FAM178B: variants seen among roughly 807,000 people sequenced by gnomAD.
The protein encoded by FAM178B is protein FAM178B.
In FAM178B, 82 loss-of-function variants were observed where a neutral mutation model predicts 91.7. That is an observed-to-expected ratio of 0.89 (90% CI 0.75 to 1.07). The LOEUF (loss-of-function observed/expected upper bound fraction) is 1.07. Ranked by LOEUF, FAM178B falls within the 50% of genes least tolerant of loss-of-function variation. FAM178B has a pLI of 0.00. For synonymous variants in FAM178B, 368 were observed against 359.4 expected, an observed-to-expected ratio of 1.02 and a Z score of -0.27; for missense variants, 769 against 846.7, an observed-to-expected ratio of 0.91 and a Z score of 1.14.
At chr2:96,958,807 A>G (rs953398968) in intron 6 of FAM178B, among the ~76,000 whole-genome samples, 2 of 150,278 alleles carry the variant, frequency 1.3e-5, no homozygotes, top group South Asian at 4.2e-4. Context: ...GTATGATAGT[A>G]ATATCGAAGT....
chr2:96,943,134 T>C (rs1463173523), intron 8 of FAM178B, among the ~76,000 whole-genome samples: 1 of 152,170 alleles, frequency 6.6e-6, no homozygotes, highest in East Asian at 1.9e-4. Flanking sequence ...AAAATAGATA[T>C]GTTGGACTTC....
chr2:96,904,857 G>A (rs761317368), intron 12 of FAM178B, among the ~76,000 whole-genome samples: 2 of 151,976 alleles, frequency 1.3e-5, no homozygotes, highest in African/African-American at 2.4e-5. Context: ...TTTTATGCCC[G>A]GGTTTAAGCG....
chr2:96,885,776 C>T (rs1187838913), intron 14 of FAM178B, among the ~76,000 whole-genome samples: 4 of 152,040 alleles, frequency 2.6e-5, no homozygotes, highest in Non-Finnish European at 5.9e-5. Flanking sequence ...GGACCAGAGA[C>T]CTTGACACCA....
At chr2:96,972,419 G>T (rs2082234989) in intron 2 of FAM178B, 97 bp from the exon 3 acceptor site, 1 of 1,480,310 alleles carries the variant, frequency 6.8e-7, no homozygotes, top group Non-Finnish European at 9.1e-7. Flanking sequence ...ATGGGTGAGA[G>T]AACAACTTGG....
chr2:96,958,161 C>T (rs562380368), intron 6 of FAM178B, among the ~76,000 whole-genome samples: 4 of 151,472 alleles, frequency 2.6e-5, no homozygotes, highest in East Asian at 2.0e-4. Context: ...CTCCGCCTCC[C>T]GGATTCATGC....
At chr2:96,926,546 C>G (rs974757018) in intron 9 of FAM178B, among the ~76,000 whole-genome samples, 1 of 152,192 alleles carries the variant, frequency 6.6e-6, no homozygotes. Context: ...ATGAGCCCCT[C>G]TGAGGATGCT....
At chr2:96,970,596 G>C in intron 4 of FAM178B, 120 bp downstream of exon 4, 1 of 743,002 alleles carries the variant, frequency 1.3e-6, no homozygotes, top group Non-Finnish European at 2.3e-6. Context: ...AGAGCACACA[G>C]GGCAGGCTGA....
At chr2:96,885,917 G>A (rs766518176) in intron 14 of FAM178B, among the ~76,000 whole-genome samples, 5 of 152,216 alleles carry the variant, frequency 3.3e-5, no homozygotes, top group African/African-American at 4.8e-5. Flanking sequence ...GCGTGTGAGC[G>A]TGTAGAGTGG....
In FAM178B at chr2:96,923,515, T is replaced by G; in HGVS notation, c.1262A>C (p.Asp421Ala). ...EQDAPQEIAL[D>A]ISLGHIYKFL... Reference sequence around the variant, plus strand: ...CTTGTAGATGTGGCCCAGGCTGATGTCCAAGGCAATCTCTTGGGGAGCGTC... The same window carrying G: ...CTTGTAGATGTGGCCCAGGCTGATGGCCAAGGCAATCTCTTGGGGAGCGTC... Residue 421 changes from aspartate (D) to alanine (A), a missense_variant, in exon 10 of 17, where the codon GAC becomes GCC. Transcript: ENST00000490605. 2 of 1,551,640 alleles carry G rather than the reference T, an allele frequency of 1.3e-6. No homozygotes were observed. The highest frequency in any genetic ancestry group is 1.7e-6 in the Non-Finnish European group (2 of 1,146,936).
intron 8 of FAM178B, among the ~76,000 whole-genome samples, chr2:96,931,051 A>C (rs2081531637): frequency 6.6e-6 from 1 of 152,226 alleles, no homozygotes; most frequent in South Asian, 2.1e-4. Context: ...TTGTCATAGC[A>C]TCTCAAATGG....
intron 14 of FAM178B, among the ~76,000 whole-genome samples, chr2:96,879,315 C>T (rs975980707): frequency 2.6e-5 from 4 of 152,136 alleles, no homozygotes; most frequent in South Asian, 2.1e-4. Flanking sequence ...GCCCCGAGGA[C>T]GAGTAGGGGT....
chr2:96,932,502 A>G (rs965202187), intron 8 of FAM178B, among the ~76,000 whole-genome samples: 2 of 152,186 alleles, frequency 1.3e-5, no homozygotes, highest in Non-Finnish European at 2.9e-5. Flanking sequence ...TTTGTCCCCG[A>G]TGAGGGCTTT....
At chr2:96,981,541 G>A (rs2082360687) in intron 1 of FAM178B, among the ~76,000 whole-genome samples, 1 of 151,924 alleles carries the variant, frequency 6.6e-6, no homozygotes, top group African/African-American at 2.4e-5. Flanking sequence ...CACGAGGTGA[G>A]GAGATCGAGG....
intron 14 of FAM178B, among the ~76,000 whole-genome samples, chr2:96,890,323 C>A (rs934931298): frequency 2.0e-5 from 3 of 151,942 alleles, no homozygotes; most frequent in African/African-American, 7.3e-5. Context: ...AATAATTAGC[C>A]CGGTGTGGTA....
chr2:96,942,505 G>A (rs894443387), intron 8 of FAM178B, among the ~76,000 whole-genome samples: 2 of 152,184 alleles, frequency 1.3e-5, no homozygotes, highest in African/African-American at 4.8e-5. Flanking sequence ...CCATTCTCCT[G>A]CCTCAGCCTC....
intron 13 of FAM178B, among the ~76,000 whole-genome samples, chr2:96,895,481 G>A (rs144212173): frequency 7.2e-5 from 11 of 152,344 alleles, no homozygotes; most frequent in African/African-American, 2.4e-4. Flanking sequence ...TGTGACCTGC[G>A]TAAGTCCAGG....
intron 1 of FAM178B, among the ~76,000 whole-genome samples, chr2:96,980,729 C>G (rs1451449642): frequency 6.6e-6 from 1 of 152,098 alleles, no homozygotes; most frequent in East Asian, 1.9e-4. Context: ...TTGGGTTTCC[C>G]TGGTTCTAAT....
rs924393223 is a variant in FAM178B, at chr2:96,902,166, C to T, written c.1650+454G>A. On this transcript the variant is annotated intron_variant, in intron 13 of 16. Transcript: ENST00000490605. Reference sequence around the variant, plus strand: ...TGTCGCCCAGGCTGGAGTGCAGTGGCGCGATCTTGGCTCACTGCAAGCTCC... The same window carrying T: ...TGTCGCCCAGGCTGGAGTGCAGTGGTGCGATCTTGGCTCACTGCAAGCTCC... Among the ~76,000 whole-genome samples, 25 of 149,060 alleles carry T rather than the reference C, an allele frequency of 1.7e-4. 1 individual carries two copies. Among genetic ancestry groups the T allele is most frequent in the Admixed American group, 1.2e-3 (17 of 14,670 alleles).
intron 12 of FAM178B, among the ~76,000 whole-genome samples, chr2:96,905,807 CATATATGTGTGTATATATAT>C (rs1239591429): frequency 1.5e-5 from 1 of 66,474 alleles, no homozygotes; most frequent in African/African-American, 7.9e-5. Context: ...CAAAAATATA[CATATATGTGTGTATATATAT>C]ATATATATAT....
Sources: allele counts gnomAD v4.1 joint callset (sites outside exome capture counted in the v4.1 genomes callset), GRCh38; gene constraint gnomAD v4.1.1; transcripts MANE v1.5; gene names NCBI Gene and HGNC (gene_info 2026-07-23, HGNC 2026-07-21).